ANKRD11: variants seen among roughly 807,000 people sequenced by gnomAD.
The protein encoded by ANKRD11 is ankyrin repeat domain-containing protein 11.
A neutral mutation model predicts 195.7 loss-of-function variants in ANKRD11; 17 were observed. The observed-to-expected ratio is 0.09, with a 90% CI of 0.06 to 0.13. The LOEUF is 0.13. Among genes scored for constraint, ANKRD11 ranks in the 10% least tolerant of loss-of-function variants. The probability of loss-of-function intolerance (pLI) is 1.00; values close to 1 mark genes in which losing one functional copy is unlikely to be tolerated. For synonymous variants in ANKRD11, 1,953 were observed against 1,528.1 expected (o/e 1.28, Z -6.49); for missense variants, 3,735 against 3,566.1 (o/e 1.05, Z -1.21).
chr16:89,456,556 A>C (rs2056445582), intron 1 of ANKRD11, among the ~76,000 whole-genome samples: 1 of 152,032 alleles, frequency 6.6e-6, no homozygotes, highest in South Asian at 2.1e-4. Flanking sequence ...AAAAAAAAAA[A>C]AAGATGGAAA....
chr16:89,348,035 T>C (rs185357361), intron 2 of ANKRD11, among the ~76,000 whole-genome samples: 2 of 152,040 alleles, frequency 1.3e-5, no homozygotes, highest in Admixed American at 1.3e-4. Flanking sequence ...CTGGGCTCAA[T>C]GGATCTTCCC....
intron 1 of ANKRD11, among the ~76,000 whole-genome samples, chr16:89,468,728 A>G (rs950818109): frequency 1.3e-5 from 2 of 152,174 alleles, no homozygotes; most frequent in African/African-American, 4.8e-5. Flanking sequence ...AGGACGAAGC[A>G]AAAGTGAAGC....
At chr16:89,488,462 T>C (rs1355598224) in intron 1 of ANKRD11, among the ~76,000 whole-genome samples, 4 of 143,308 alleles carry the variant, frequency 2.8e-5, no homozygotes, top group African/African-American at 1.0e-4. Flanking sequence ...TTTTTTCTAG[T>C]TTAACTACAG....
chr16:89,323,630 G>C, intron 2 of ANKRD11: 2 of 326,262 alleles, frequency 6.1e-6, no homozygotes, highest in South Asian at 4.7e-5. Flanking sequence ...CCGAGGGACA[G>C]AGGCCCTCAC....
chr16:89,416,886 C>T (rs547661447), intron 2 of ANKRD11, among the ~76,000 whole-genome samples: 28 of 152,176 alleles, frequency 1.8e-4, no homozygotes, highest in African/African-American at 6.3e-4. Flanking sequence ...GTGTGGGGTG[C>T]TCCCTCATCG....
Position 89,284,164 on chromosome 16 carries a change from T to G in ANKRD11, c.2378A>C (p.Lys793Thr), listed in dbSNP as rs1246129813. The G allele has an allele frequency of 6.2e-7, 1 of 1,604,926 alleles. No homozygotes were observed. The highest frequency in any genetic ancestry group is 8.5e-7 in the Non-Finnish European group (1 of 1,177,698). ...KEDKISKEKE[K>T]IFKEDKEKLK... ...TTTTTCTTTATCTTCTTTAAAAATC[T>G]TCTCCTTCTCTTTTGAAATTTTGTC... The change falls in exon 9 of 13, where the codon AAG becomes ACG. Residue 793 changes from lysine to threonine, a missense_variant. Transcript: ENST00000301030.
intron 6 of ANKRD11, 63 bp downstream of exon 6, chr16:89,290,562 C>T: frequency 1.9e-6 from 3 of 1,570,222 alleles, no homozygotes; most frequent in East Asian, 2.2e-5. Context: ...CTCAGGACTC[C>T]ACTGGGGGAG....
At chr16:89,463,164 T>G (rs567440336) in intron 1 of ANKRD11, among the ~76,000 whole-genome samples, 20 of 152,310 alleles carry the variant, frequency 1.3e-4, no homozygotes, top group African/African-American at 4.6e-4. Flanking sequence ...CCACCCCGTC[T>G]GGGAGGTGTG....
chr16:89,340,840 G>A (rs1195833505), intron 2 of ANKRD11, among the ~76,000 whole-genome samples: 1 of 152,188 alleles, frequency 6.6e-6, no homozygotes, highest in Non-Finnish European at 1.5e-5. Context: ...CAGTCCTGGG[G>A]AGAGGATGCA....
chr16:89,432,717 C>T (rs1344903790), intron 1 of ANKRD11, among the ~76,000 whole-genome samples: 2 of 152,060 alleles, frequency 1.3e-5, no homozygotes, highest in African/African-American at 4.8e-5. Flanking sequence ...TATTCTATCA[C>T]GGTATAATCT....
chr16:89,283,574 C>G lies in ANKRD11; in HGVS notation c.2968G>C (p.Asp990His). 1 of 1,610,752 alleles carries G rather than the reference C, an allele frequency of 6.2e-7. No individual in the cohort carries two copies. Among genetic ancestry groups the G allele is most frequent in the Non-Finnish European group, 8.5e-7 (1 of 1,180,014 alleles). The stretch of plus-strand genomic sequence containing the variant: ...TCCAGGCCCTTCCCAAAGTCGCCGT[C>G]GGACTTGTCCTTGAAGCCACTCTCG... The part of the protein sequence containing the change: ...GCESGFKDKS[D>H]GDFGKGLEPW... Residue 990 changes from aspartate (D) to histidine (H), a missense_variant, in exon 9 of 13, where the codon GAC becomes CAC. Asp to His is a moderately conservative substitution (Grantham distance 81, BLOSUM62 -1). Coordinates refer to ENST00000301030, the MANE Select transcript of ANKRD11 (RefSeq NM_013275.6). The surrounding 1 kb of genome is among the most constrained non-coding windows in gnomAD (Gnocchi z 4.3).
In ANKRD11 at chr16:89,290,707, G is replaced by C; in HGVS notation, c.519C>G (p.His173Gln). 1 of 1,613,516 alleles carries C rather than the reference G, an allele frequency of 6.2e-7. No homozygotes were observed. Among genetic ancestry groups the C allele is most frequent in the East Asian group, 2.2e-5 (1 of 44,880 alleles). The part of the protein sequence containing the change: ...KRNERGETRL[H>Q]RAAIRGDARR... ...GGGCGTCCCCGCGGATGGCGGCTCG[G>C]TGCAGGCGGGTCTCTCCACGCTCGT... Residue 173 changes from histidine to glutamine, a missense_variant, in exon 6 of 13, where the codon CAC (histidine) becomes CAG (glutamine). By Grantham distance (24) the His-to-Gln change is conservative (BLOSUM62 0). Transcript: ENST00000301030.
rs761629656 is a variant in ANKRD11, at chr16:89,317,051, C to A, written c.-32G>T. On this transcript the variant is annotated 5_prime_UTR_variant, in exon 3 of 13. Transcript: ENST00000301030. Reference sequence around the variant, plus strand: ...GCTCCTCACCCGATCTTCATTTACACGGCCGGCGCTTCATCATCAACCGTC... The same window carrying A: ...GCTCCTCACCCGATCTTCATTTACAAGGCCGGCGCTTCATCATCAACCGTC... The A allele has an allele frequency of 6.2e-7, 1 of 1,600,250 alleles. No homozygotes were observed. Among genetic ancestry groups the A allele is most frequent in the Non-Finnish European group, 8.5e-7 (1 of 1,172,546 alleles).
At chr16:89,488,367 G>C (rs1375963615) in intron 1 of ANKRD11, among the ~76,000 whole-genome samples, 1 of 151,990 alleles carries the variant, frequency 6.6e-6, no homozygotes, top group African/African-American at 2.4e-5. Context: ...CAGCTGAATG[G>C]AGGGTAGGGG....
chr16:89,443,490 CAA>C (rs906649437), intron 1 of ANKRD11: 2 of 152,134 alleles, frequency 1.3e-5, no homozygotes, highest in African/African-American at 4.8e-5. Flanking sequence ...CAGTAAGAGA[CAA>C]GAGATACACA....
intron 3 of ANKRD11, chr16:89,313,636 A>G: frequency 7.8e-7 from 1 of 1,281,650 alleles, no homozygotes; most frequent in Non-Finnish European, 1.0e-6. Context: ...TCTGGAGAAA[A>G]GGGAGTTTAT....
At chr16:89,471,884 T>G (rs1256069463) in intron 1 of ANKRD11, among the ~76,000 whole-genome samples, 1 of 151,378 alleles carries the variant, frequency 6.6e-6, no homozygotes, top group African/African-American at 2.4e-5. Flanking sequence ...ACATGTACCT[T>G]AAGTCCTTAC....
chr16:89,480,075 C>T (rs184545714), intron 1 of ANKRD11, among the ~76,000 whole-genome samples: 2 of 151,316 alleles, frequency 1.3e-5, no homozygotes, highest in African/African-American at 2.4e-5. Context: ...CGTGTCATTG[C>T]ACTCCAGCCT....
chr16:89,305,181 T>A, intron 4 of ANKRD11, 25 bp downstream of exon 4: 1 of 1,608,224 alleles, frequency 6.2e-7, no homozygotes, highest in Non-Finnish European at 8.5e-7. Context: ...GAGGGCTGAC[T>A]GCAGGAGGGG....
Sources: allele counts gnomAD v4.1 joint callset (sites outside exome capture counted in the v4.1 genomes callset), GRCh38; gene constraint gnomAD v4.1.1; non-coding constraint Gnocchi (gnomAD v3.1); transcripts MANE v1.5; gene names NCBI Gene and HGNC (gene_info 2026-07-23, HGNC 2026-07-21).